NR3C2: variants seen among roughly 807,000 people sequenced by gnomAD.
NR3C2 encodes the protein mineralocorticoid receptor.
A neutral mutation model predicts 86.4 loss-of-function variants in NR3C2; 15 were observed. The observed-to-expected ratio is 0.17, with a 90% CI of 0.12 to 0.27. The LOEUF is 0.27. NR3C2 is among the 10% of genes least tolerant of loss of function. The pLI is 1.00. For missense variants in NR3C2, 960 were observed against 1,195.6 expected, an observed-to-expected ratio of 0.80 and a Z score of 2.91; for synonymous variants, 458 against 450.5, an observed-to-expected ratio of 1.02 and a Z score of -0.21.
At chr4:148,217,931 A>T (rs956021083) in intron 3 of NR3C2, among the ~76,000 whole-genome samples, 1 of 152,232 alleles carries the variant, frequency 6.6e-6, no homozygotes, top group Non-Finnish European at 1.5e-5. Flanking sequence ...ATCTTTGAAC[A>T]TAAGGACAAT....
intron 3 of NR3C2, among the ~76,000 whole-genome samples, chr4:148,215,780 GT>G (rs35315376): frequency 5.7e-4 from 77 of 134,436 alleles, no homozygotes; most frequent in South Asian, 7.3e-4. Flanking sequence ...TTGAGGCATA[GT>G]TTTTTTTTTT....
chr4:148,248,565 G>C (rs915085675), intron 3 of NR3C2, among the ~76,000 whole-genome samples: 1 of 115,512 alleles, frequency 8.7e-6, no homozygotes, highest in African/African-American at 2.8e-5. Flanking sequence ...TTTGCTCTTT[G>C]TCTGGTTCTG....
At position 148,311,413 on chromosome 4, in the gene NR3C2, C is replaced by T. The variant is rs1392809276; in HGVS notation, c.1758-51296G>A. Among the ~76,000 whole-genome samples, 6 of 152,300 alleles carry T rather than the reference C, an allele frequency of 3.9e-5. No homozygotes were observed. In the South Asian group the frequency reaches 6.2e-4, roughly 16 times the overall value. ...AATGACAACTGCATTCTTGCAGCTG[C>T]TCAAACACAAGCCCCGGAGCCATCT... On this transcript the variant is annotated intron_variant, in intron 2 of 8. Coordinates refer to ENST00000358102, the MANE Select transcript of NR3C2 (RefSeq NM_000901.5).
chr4:148,204,373 T>C (rs56218478), intron 3 of NR3C2, among the ~76,000 whole-genome samples: 150 of 152,328 alleles, frequency 9.8e-4, no homozygotes, highest in African/African-American at 3.3e-3. Flanking sequence ...CTAGATAAAC[T>C]AATACGTTAT....
intron 2 of NR3C2, among the ~76,000 whole-genome samples, chr4:148,350,652 C>A (rs1423081610): frequency 2.6e-5 from 2 of 75,988 alleles, no homozygotes; most frequent in African/African-American, 7.6e-5. Context: ...ATGTGCTCCT[C>A]CTCTGCTTTT....
intron 8 of NR3C2, among the ~76,000 whole-genome samples, chr4:148,082,109 A>C (rs968691404): frequency 3.9e-5 from 6 of 152,220 alleles, no homozygotes; most frequent in African/African-American, 9.6e-5. Flanking sequence ...GAGACTCTTC[A>C]GCTACTTCCT....
intron 2 of NR3C2, among the ~76,000 whole-genome samples, chr4:148,406,883 G>A (rs1748453113): frequency 6.6e-6 from 1 of 152,206 alleles, no homozygotes. Context: ...AAGTCTGACA[G>A]TCAATAGTTT....
At chr4:148,376,536 T>A (rs1746689944) in intron 2 of NR3C2, among the ~76,000 whole-genome samples, 1 of 152,162 alleles carries the variant, frequency 6.6e-6, no homozygotes, top group Non-Finnish European at 1.5e-5. Context: ...TTTAAAAGGG[T>A]AAGAGAGAGC....
At chr4:148,358,428 A>G (rs1361414238) in intron 2 of NR3C2, among the ~76,000 whole-genome samples, 1 of 138,322 alleles carries the variant, frequency 7.2e-6, no homozygotes, top group Non-Finnish European at 1.5e-5. Context: ...CAATGAGATC[A>G]CATGGACACA....
At chr4:148,393,724 T>C (rs931311075) in intron 2 of NR3C2, among the ~76,000 whole-genome samples, 2 of 152,204 alleles carry the variant, frequency 1.3e-5, no homozygotes, top group Non-Finnish European at 2.9e-5. Flanking sequence ...GGGTTGTTTT[T>C]TAAACATGCC....
chr4:148,322,907 T>C (rs1005128549), intron 2 of NR3C2, among the ~76,000 whole-genome samples: 3 of 141,134 alleles, frequency 2.1e-5, no homozygotes, highest in Non-Finnish European at 4.6e-5. Flanking sequence ...TCCAGCTTTG[T>C]TCCGTTGCTG....
chr4:148,272,257 C>T (rs1274418618), intron 2 of NR3C2, among the ~76,000 whole-genome samples: 1 of 152,132 alleles, frequency 6.6e-6, no homozygotes, highest in Admixed American at 6.5e-5. Context: ...CGCATTACCT[C>T]CTCACTCTTA....
chr4:148,429,606 C>T (rs1309114834), intron 2 of NR3C2, among the ~76,000 whole-genome samples: 2 of 152,198 alleles, frequency 1.3e-5, no homozygotes, highest in Non-Finnish European at 2.9e-5. Context: ...TATGTAATTA[C>T]ATTTTAACTT....
intron 8 of NR3C2, among the ~76,000 whole-genome samples, chr4:148,098,043 A>C (rs1434934711): frequency 6.7e-6 from 1 of 149,798 alleles, no homozygotes; most frequent in African/African-American, 2.5e-5. Context: ...GCCCTTAAAA[A>C]CCCCTGCCCC....
rs552826495 is a variant in NR3C2, at chr4:148,170,525, G to T, written c.2015-15624C>A. On this transcript the variant is annotated intron_variant, in intron 4 of 8. Transcript: ENST00000358102. ...CACTGCTTGAAAAAAAATTTTTTTT[G>T]AATCTGGCAATACCTGCAACAAATA... Among the ~76,000 whole-genome samples, 11 of 151,802 alleles carry T rather than the reference G, an allele frequency of 7.2e-5. No homozygotes were observed. In the East Asian group the frequency reaches 2.1e-3, roughly 29 times the overall value.
At chr4:148,261,203 A>C (rs531783473) in intron 2 of NR3C2, among the ~76,000 whole-genome samples, 5 of 151,710 alleles carry the variant, frequency 3.3e-5, no homozygotes, top group East Asian at 1.9e-4. Context: ...GCACTATGGT[A>C]AGCGCTATGG....
At chr4:148,191,138 T>G (rs886893670) in intron 4 of NR3C2, among the ~76,000 whole-genome samples, 5 of 152,298 alleles carry the variant, frequency 3.3e-5, no homozygotes, top group African/African-American at 1.2e-4. Flanking sequence ...TGTTTCAAGA[T>G]TTAGAGCTCC....
In NR3C2 at chr4:148,357,074, T is replaced by C. The variant is rs979648349; in HGVS notation, c.1757+78030A>G. Among the ~76,000 whole-genome samples the C allele has an allele frequency of 4.5e-4, 69 of 152,150 alleles. 1 individual carries two copies. Among genetic ancestry groups the C allele is most frequent in the Non-Finnish European group, 2.9e-5 (2 of 68,026 alleles). ...GGTTGAACATTCTGAATCAAAATGTTATATATTCATAAATACTCTAAAAAC... is the reference window on the plus strand; with the variant it reads ...GGTTGAACATTCTGAATCAAAATGTCATATATTCATAAATACTCTAAAAAC... On this transcript the variant is annotated intron_variant, in intron 2 of 8. Coordinates refer to ENST00000358102, the MANE Select transcript of NR3C2 (RefSeq NM_000901.5).
intron 2 of NR3C2, among the ~76,000 whole-genome samples, chr4:148,418,461 A>C (rs1749116191): frequency 6.6e-6 from 1 of 152,184 alleles, no homozygotes; most frequent in South Asian, 2.1e-4. Context: ...TCTATTTTTG[A>C]AGTTCAGAGA....
Sources: allele counts gnomAD v4.1 joint callset (sites outside exome capture counted in the v4.1 genomes callset), GRCh38; gene constraint gnomAD v4.1.1; transcripts MANE v1.5; gene names NCBI Gene and HGNC (gene_info 2026-07-23, HGNC 2026-07-21).